Variants in SGK3 observed in about 807,000 individuals in gnomAD.
SGK3 encodes the protein serine/threonine-protein kinase Sgk3.
SGK3 carries 47 observed loss-of-function variants against 68.5 expected under a neutral mutation model. The ratio of observed to expected loss-of-function variants is 0.69; its 90% CI spans 0.54 to 0.87. The LOEUF is 0.87. Among genes scored for constraint, SGK3 ranks in the 40% least tolerant of loss-of-function variants. SGK3 has a pLI of 0.00. For synonymous variants in SGK3, 181 were observed against 189.1 expected, an observed-to-expected ratio of 0.96 and a Z score of 0.35; for missense variants, 479 against 575.5, an observed-to-expected ratio of 0.83 and a Z score of 1.72.
intron 1 of SGK3, among the ~76,000 whole-genome samples, chr8:66,737,070 G>A (rs1219593303): frequency 6.6e-6 from 1 of 151,348 alleles, no homozygotes; most frequent in Non-Finnish European, 1.5e-5. Flanking sequence ...GAGCCACTGT[G>A]CCCAACCAAT....
intron 1 of SGK3, among the ~76,000 whole-genome samples, chr8:66,728,443 C>T (rs1805042276): frequency 6.6e-6 from 1 of 151,974 alleles, no homozygotes; most frequent in Admixed American, 6.6e-5. Flanking sequence ...TCTCCTGCCT[C>T]AGCCTTCCAA....
rs899256897 is a variant in SGK3 at position 66,740,906 on chromosome 8, CAAAAAAAAA to C, written c.-122+28090_-122+28098del. ...TGGGCGGCAGGGTGAGACTCTGTCT[CAAAAAAAAA>C]AAAAAAAAAAAAAAAAGTAGGCTGA... On this transcript the variant is annotated intron_variant, in intron 1 of 16. Coordinates refer to ENST00000521198, the MANE Select transcript of SGK3 (RefSeq NM_001033578.3). Among the ~76,000 whole-genome samples the C allele has an allele frequency of 9.4e-5, 4 of 42,738 alleles. No homozygotes were observed. The East Asian group carries it at 2.2e-3, about 23-fold the overall frequency. 28.0% of individuals were successfully genotyped at this position (42,738 alleles called of 152,430 possible).
intron 1 of SGK3, among the ~76,000 whole-genome samples, chr8:66,725,405 A>G (rs1804955372): frequency 7.0e-6 from 1 of 143,674 alleles, no homozygotes; most frequent in African/African-American, 3.0e-5. Flanking sequence ...TGTCTCAGAA[A>G]AAAAAAAAAG....
chr8:66,744,107 A>G (rs1003347538), intron 1 of SGK3, among the ~76,000 whole-genome samples: 31 of 152,294 alleles, frequency 2.0e-4, no homozygotes, highest in African/African-American at 7.5e-4. Flanking sequence ...GACAGCGTGC[A>G]TGGGAGGTAA....
chr8:66,839,718 G>A (rs945081630), intron 10 of SGK3: 12 of 282,212 alleles, frequency 4.3e-5, no homozygotes, highest in African/African-American at 2.7e-4. Context: ...TTCCAGAACA[G>A]TTGCCTGGAA....
At chr8:66,802,334 A>T (rs546527922) in intron 3 of SGK3, among the ~76,000 whole-genome samples, 7 of 152,324 alleles carry the variant, frequency 4.6e-5, no homozygotes, top group South Asian at 4.1e-4. Flanking sequence ...AGGCATTTTA[A>T]TTGTCAACTT....
intron 1 of SGK3, among the ~76,000 whole-genome samples, chr8:66,783,728 A>G (rs1807085899): frequency 6.6e-6 from 1 of 151,964 alleles, no homozygotes. Context: ...GGTCTCGCAT[A>G]TTGCCCAGGC....
intron 10 of SGK3, among the ~76,000 whole-genome samples, chr8:66,839,100 G>A (rs1044902806): frequency 2.0e-5 from 3 of 151,868 alleles, no homozygotes; most frequent in East Asian, 1.9e-4. Flanking sequence ...AAAATAACAC[G>A]TGGACCAAGG....
intron 1 of SGK3, among the ~76,000 whole-genome samples, chr8:66,756,110 T>C (rs1212297489): frequency 1.3e-5 from 2 of 152,138 alleles, no homozygotes; most frequent in African/African-American, 4.8e-5. Flanking sequence ...ATTGTTCTTA[T>C]AAGAAGAGGA....
intron 3 of SGK3, among the ~76,000 whole-genome samples, chr8:66,800,893 G>T (rs767180712): frequency 6.6e-6 from 1 of 152,160 alleles, no homozygotes; most frequent in Non-Finnish European, 1.5e-5. Context: ...GCTGTGGTAG[G>T]AGGATCACTT....
chr8:66,752,794 G>A (rs1165679141), intron 1 of SGK3, among the ~76,000 whole-genome samples: 1 of 152,120 alleles, frequency 6.6e-6, no homozygotes, highest in African/African-American at 2.4e-5. Flanking sequence ...GACATTGCTT[G>A]GGGAGAAGGG....
chr8:66,841,193 A>T, intron 13 of SGK3, 83 bp downstream of exon 13: 1 of 1,120,118 alleles, frequency 8.9e-7, no homozygotes, highest in Non-Finnish European at 1.2e-6. Flanking sequence ...TAAATTTAAA[A>T]TAAGAAAAGT....
intron 1 of SGK3, among the ~76,000 whole-genome samples, chr8:66,779,562 ATATATATATATAT>A (rs1806872801): frequency 1.4e-4 from 1 of 6,928 alleles, no homozygotes; most frequent in Non-Finnish European, 3.0e-4. Flanking sequence ...ATGTGTGTGA[ATATATATATATAT>A]ATATATATAT....
intron 1 of SGK3, among the ~76,000 whole-genome samples, chr8:66,716,661 T>C (rs1204404770): frequency 6.6e-6 from 1 of 152,036 alleles, no homozygotes; most frequent in Non-Finnish European, 1.5e-5. Context: ...GAGATGTGTG[T>C]GAAGTAAGTG....
chr8:66,840,732 T>C (rs565601326), intron 12 of SGK3: 1 of 223,504 alleles, frequency 4.5e-6, no homozygotes, highest in Non-Finnish European at 8.7e-6. Flanking sequence ...CCAAGATGGG[T>C]GGATCACTTG....
intron 2 of SGK3, among the ~76,000 whole-genome samples, chr8:66,798,099 C>T (rs1351569213): frequency 6.6e-6 from 1 of 151,804 alleles, no homozygotes; most frequent in Non-Finnish European, 1.5e-5. Context: ...CGTCGACTTA[C>T]CTGGGCTCAA....
At chr8:66,736,805 G>A (rs1285545656) in intron 1 of SGK3, among the ~76,000 whole-genome samples, 3 of 152,174 alleles carry the variant, frequency 2.0e-5, no homozygotes, top group Non-Finnish European at 1.5e-5. Flanking sequence ...TTTTAGTAGA[G>A]ACAGGGTTTC....
chr8:66,854,950 A>C lies in SGK3; in HGVS notation c.1320+4030A>C, dbSNP rs71515038. Among the ~76,000 whole-genome samples, 1,088 of 152,132 alleles carry C rather than the reference A, an allele frequency of 7.2e-3. 8 individuals carry two copies. The highest frequency in any genetic ancestry group is 0.011 in the Non-Finnish European group (773 of 67,988). Reference sequence around the variant, plus strand: ...GATTTTTTGAGCCCAGGAGTTCAAGACCAGCCTGGGCAACATGGCAAGACC... The same window carrying C: ...GATTTTTTGAGCCCAGGAGTTCAAGCCCAGCCTGGGCAACATGGCAAGACC... On this transcript the variant is annotated intron_variant, in intron 16 of 16. Transcript: ENST00000521198.
chr8:66,828,967 G>GGTGTGTGTGTGT (rs113679632), intron 7 of SGK3, among the ~76,000 whole-genome samples: 6 of 119,506 alleles, frequency 5.0e-5, no homozygotes, highest in South Asian at 2.9e-4. Flanking sequence ...GTGGGTGGGG[G>GGTGTGTGTGTGT]GTGTGTGTGT....
Sources: allele counts gnomAD v4.1 joint callset (sites outside exome capture counted in the v4.1 genomes callset), GRCh38; gene constraint gnomAD v4.1.1; transcripts MANE v1.5; gene names NCBI Gene and HGNC (gene_info 2026-07-23, HGNC 2026-07-21).